CSMD2: variants seen among roughly 807,000 people sequenced by gnomAD.
The protein encoded by CSMD2 is CUB and sushi domain-containing protein 2.
In CSMD2, 130 loss-of-function variants were observed where a neutral mutation model predicts 398.5. The ratio of observed to expected loss-of-function variants is 0.33; its 90% CI spans 0.28 to 0.38. The LOEUF (loss-of-function observed/expected upper bound fraction) is 0.38. CSMD2 is among the 10% of genes least tolerant of loss of function. CSMD2 has a pLI of 1.00. For synonymous variants in CSMD2, 1,828 were observed against 1,908.5 expected, an observed-to-expected ratio of 0.96 and a Z score of 1.10; for missense variants, 3,829 against 4,764.9, an observed-to-expected ratio of 0.80 and a Z score of 5.78.
At chr1:34,072,208 C>T (rs979713282) in intron 2 of CSMD2, among the ~76,000 whole-genome samples, 3 of 152,260 alleles carry the variant, frequency 2.0e-5, no homozygotes, top group East Asian at 1.9e-4. Context: ...ACTTAAAAGT[C>T]GAGAATTGAT....
intron 3 of CSMD2, among the ~76,000 whole-genome samples, chr1:33,941,008 C>T (rs140205178): frequency 1.2e-4 from 18 of 151,992 alleles, no homozygotes; most frequent in South Asian, 4.2e-4. Flanking sequence ...TTAGAATGTC[C>T]GTGTATTTTT....
At chr1:33,691,976 A>G (rs1325657510) in intron 25 of CSMD2, among the ~76,000 whole-genome samples, 3 of 152,168 alleles carry the variant, frequency 2.0e-5, no homozygotes, top group Non-Finnish European at 2.9e-5. Flanking sequence ...TTTTGCCAGC[A>G]GTGCAATAGT....
intron 25 of CSMD2, among the ~76,000 whole-genome samples, chr1:33,667,560 G>C (rs933797597): frequency 6.6e-6 from 1 of 152,322 alleles, no homozygotes; most frequent in Non-Finnish European, 1.5e-5. Context: ...ATCTCTGGGA[G>C]GAAGAGGCTG....
At chr1:33,829,679 C>T (rs1458594669) in intron 6 of CSMD2, among the ~76,000 whole-genome samples, 5 of 152,124 alleles carry the variant, frequency 3.3e-5, no homozygotes, top group East Asian at 1.9e-4. Context: ...TGCAGCGCAC[C>T]GTGCATGAGC....
chr1:33,642,749 A>G (rs931873940), intron 29 of CSMD2, among the ~76,000 whole-genome samples: 2 of 152,004 alleles, frequency 1.3e-5, no homozygotes, highest in African/African-American at 4.8e-5. Flanking sequence ...TTTGTGTCAG[A>G]TTGTTTTGAG....
At chr1:34,066,722 G>A (rs954878184) in intron 2 of CSMD2, among the ~76,000 whole-genome samples, 9 of 152,098 alleles carry the variant, frequency 5.9e-5, no homozygotes, top group Non-Finnish European at 1.2e-4. Context: ...CCAGCCAGGG[G>A]GTTGGGTACA....
At chr1:33,698,988 C>A in intron 23 of CSMD2, 44 bp from the exon 24 acceptor site, 1 of 1,523,654 alleles carries the variant, frequency 6.6e-7, no homozygotes, top group South Asian at 1.2e-5. Flanking sequence ...CCTATTGTGG[C>A]AGAAACCATG....
At chr1:33,567,496 T>TATATATATATATATATATATATATATATA (rs61334036) in intron 53 of CSMD2, 97 bp downstream of exon 53, 28 of 934,398 alleles carry the variant, frequency 3.0e-5, no homozygotes, top group African/African-American at 1.6e-4. Context: ...TATATATATA[T>TATATATATATATATATATATATATATATA]TTAAAACAAA....
At chr1:34,078,689 CT>C (rs988609015) in intron 2 of CSMD2, among the ~76,000 whole-genome samples, 4 of 152,214 alleles carry the variant, frequency 2.6e-5, no homozygotes, top group African/African-American at 9.6e-5. Context: ...CCACTGCACC[CT>C]TCTGTCTCAC....
At chr1:33,592,734 G>T (rs1275974861) in intron 44 of CSMD2, among the ~76,000 whole-genome samples, 2 of 152,100 alleles carry the variant, frequency 1.3e-5, no homozygotes, top group Non-Finnish European at 2.9e-5. Flanking sequence ...CGGATCACAA[G>T]GTCAGGATAT....
At chr1:33,541,047 C>A in intron 59 of CSMD2, 83 bp downstream of exon 59, 1 of 1,395,446 alleles carries the variant, frequency 7.2e-7, no homozygotes, top group South Asian at 1.3e-5. Flanking sequence ...CACCCCTCTC[C>A]CTTCTAGAGA....
rs1455419574 is a variant in CSMD2, at chr1:33,515,538, G to C, written c.*1086C>G. 6.6e-6 allele frequency: 1 copy of C among 152,232 alleles called. No individual in the cohort carries two copies. Among genetic ancestry groups the C allele is most frequent in the African/African-American group, 2.4e-5 (1 of 41,456 alleles). The allele number at this position is 152,232 out of a possible 1,614,324, so 9.4% of individuals were successfully genotyped here. A position where few individuals can be genotyped will look rare whatever the true frequency, so the allele number is the denominator to read the frequency against. On this transcript the variant is annotated 3_prime_UTR_variant, in exon 71 of 71. Transcript: ENST00000373381. ...TTCTGACTCCACACTTCCTAACTCT[G>C]TCTTTACCTTTGCAGGCTTCTGTTT... is the stretch of plus-strand genomic sequence containing the variant.
chr1:33,739,327 T>A lies in CSMD2; in HGVS notation c.2181A>T (p.Arg727=). 6.2e-7 allele frequency: 1 copy of A among 1,612,674 alleles called. No homozygotes were observed. Among genetic ancestry groups the A allele is most frequent in the South Asian group, 1.1e-5 (1 of 90,944 alleles). The stretch of plus-strand genomic sequence containing the variant: ...CGCCAGGATCCGGGCACTCGTTGTG[T>A]CGGAAGGCTGTGTAGATGGAGTTCA... ...RGFNITFTTF[R]HNECPDPGVP... The change falls in exon 15 of 71, where the codon CGA becomes CGT. Residue 727 remains arginine, a synonymous_variant. Transcript: ENST00000373381.
chr1:33,746,828 G>T (rs1647447649), intron 13 of CSMD2, among the ~76,000 whole-genome samples: 1 of 152,170 alleles, frequency 6.6e-6, no homozygotes, highest in African/African-American at 2.4e-5. Context: ...GAACATGTGG[G>T]TCTCATAACC....
intron 66 of CSMD2, among the ~76,000 whole-genome samples, chr1:33,523,982 A>G (rs1047013668): frequency 5.9e-5 from 9 of 152,232 alleles, no homozygotes; most frequent in Non-Finnish European, 2.9e-5. Flanking sequence ...CTGATTATAG[A>G]AAGATTGAAA....
At position 33,581,354 on chromosome 1, in the gene CSMD2, T is replaced by TTAAA. The variant is rs1553146953; in HGVS notation, c.7241-456_7241-455insTTTA. On this transcript the variant is annotated intron_variant, in intron 47 of 70. Transcript: ENST00000373381. ...TTGGCAAGCAAGACCCCATCTTTACTAAAAAAAAAAAAAAAAAAAAAAAAA... is the reference window on the plus strand; with the variant it reads ...TTGGCAAGCAAGACCCCATCTTTACTTAAAAAAAAAAAAAAAAAAAAAAAAAAAA... 8.3e-5 allele frequency among the ~76,000 whole-genome samples: 7 copies of TTAAA among 84,220 alleles called. 1 individual carries two copies. Among genetic ancestry groups the TTAAA allele is most frequent in the Non-Finnish European group, 1.1e-4 (5 of 43,634 alleles). 55.3% of individuals were successfully genotyped at this position (84,220 alleles called of 152,430 possible).
At chr1:34,058,029 G>T (rs893683415) in intron 2 of CSMD2, among the ~76,000 whole-genome samples, 1 of 152,182 alleles carries the variant, frequency 6.6e-6, no homozygotes, top group East Asian at 1.9e-4. Flanking sequence ...CTGGGAGTAG[G>T]GGCGTGGGAC....
intron 1 of CSMD2, among the ~76,000 whole-genome samples, chr1:34,093,390 G>T (rs574800225): frequency 5.3e-5 from 8 of 152,292 alleles, no homozygotes; most frequent in Admixed American, 3.3e-4. Flanking sequence ...CACCAGCAAC[G>T]GAACAAAGCT....
chr1:33,879,845 G>A (rs75846033), intron 5 of CSMD2, among the ~76,000 whole-genome samples: 3,460 of 152,176 alleles, frequency 0.023, 149 homozygotes, highest in African/African-American at 0.079. Context: ...TAGAGCAAAT[G>A]AGAGAACAAA....
Sources: allele counts gnomAD v4.1 joint callset (sites outside exome capture counted in the v4.1 genomes callset), GRCh38; gene constraint gnomAD v4.1.1; transcripts MANE v1.5; gene names NCBI Gene and HGNC (gene_info 2026-07-23, HGNC 2026-07-21).